RSPH14: variants seen among roughly 807,000 people sequenced by gnomAD.
RSPH14 encodes rhabdoid tumor deletion region gene 1.
Under a neutral mutation model 26.7 loss-of-function variants are expected in RSPH14, and 20 were observed. The ratio of observed to expected loss-of-function variants is 0.75; its 90% CI spans 0.53 to 1.09. The LOEUF (loss-of-function observed/expected upper bound fraction) is 1.09. Among genes scored for constraint, RSPH14 ranks in the 50% least tolerant of loss-of-function variants. The pLI is 0.00. For synonymous variants in RSPH14, 177 were observed against 189.3 expected (o/e 0.93, Z 0.53); for missense variants, 449 against 457.2 (o/e 0.98, Z 0.16).
At chr22:23,139,849 C>A (rs565292026) in intron 2 of RSPH14, among the ~76,000 whole-genome samples, 1 of 152,060 alleles carries the variant, frequency 6.6e-6, no homozygotes, top group East Asian at 1.9e-4. Context: ...TCAATTGAGG[C>A]CAAGAGTTCA....
the RSPH14 span, chr22:23,159,102 C>T: frequency 6.3e-7 from 1 of 1,590,736 alleles, no homozygotes; most frequent in Non-Finnish European, 8.6e-7. Flanking sequence ...AGCTGCCTAT[C>T]CCCCTGGGCC....
intron 4 of RSPH14, among the ~76,000 whole-genome samples, chr22:23,076,426 C>T (rs917074037): frequency 2.6e-5 from 4 of 152,284 alleles, no homozygotes; most frequent in East Asian, 1.9e-4. Context: ...GCTGTGTGCT[C>T]GTGCGCTGCA....
chr22:23,127,425 C>T (rs189114768), intron 4 of RSPH14, among the ~76,000 whole-genome samples: 2 of 152,208 alleles, frequency 1.3e-5, no homozygotes, highest in Non-Finnish European at 1.5e-5. Context: ...TTCTGGTGCA[C>T]CCTGCCCTGA....
chr22:23,155,125 C>CA, the RSPH14 span, among the ~76,000 whole-genome samples: 29 of 150,206 alleles, frequency 1.9e-4, no homozygotes, highest in South Asian at 4.2e-4. Context: ...AACTCCACCT[C>CA]AAAAAAAAAG....
At chr22:23,176,841 G>A in the RSPH14 span, among the ~76,000 whole-genome samples, 3 of 152,162 alleles carry the variant, frequency 2.0e-5, no homozygotes, top group African/African-American at 7.2e-5. Context: ...TTCCTGTGCG[G>A]TTGAGTACAG....
At chr22:23,089,027 T>C (rs2068890186) in intron 4 of RSPH14, among the ~76,000 whole-genome samples, 4 of 152,170 alleles carry the variant, frequency 2.6e-5, no homozygotes, top group Admixed American at 1.3e-4. Flanking sequence ...GAACCATCAC[T>C]TCGTCTTGGC....
the RSPH14 span, chr22:23,163,272 C>T: frequency 6.5e-6 from 1 of 154,988 alleles, no homozygotes; most frequent in Non-Finnish European, 1.4e-5. Context: ...CTCTGTCACC[C>T]AGGCTGGCGT....
chr22:23,099,879 A>AG (rs2069244347), intron 4 of RSPH14, among the ~76,000 whole-genome samples: 2 of 152,338 alleles, frequency 1.3e-5, no homozygotes, highest in South Asian at 4.1e-4. Flanking sequence ...GAGGCACCTG[A>AG]GGGGGTAGGT....
chr22:23,123,437 T>C (rs1237333403), intron 4 of RSPH14: 11 of 1,590,784 alleles, frequency 6.9e-6, no homozygotes, highest in Non-Finnish European at 9.5e-6. Context: ...GCTGAGGAGC[T>C]GGGCCCGGGG....
At chr22:23,160,067 A>G in the RSPH14 span, among the ~76,000 whole-genome samples, 1 of 152,184 alleles carries the variant, frequency 6.6e-6, no homozygotes, top group South Asian at 2.1e-4. Flanking sequence ...ATAGGCCCCC[A>G]AGGCTCTGGG....
chr22:23,060,469 C>CAA (rs35204459), intron 6 of RSPH14, among the ~76,000 whole-genome samples: 3 of 120,512 alleles, frequency 2.5e-5, no homozygotes, highest in Non-Finnish European at 1.8e-5. Context: ...GACTCCATCT[C>CAA]AAAAAAAAAA....
At chr22:23,127,556 G>A (rs752701006) in intron 4 of RSPH14, among the ~76,000 whole-genome samples, 20 of 152,326 alleles carry the variant, frequency 1.3e-4, no homozygotes, top group African/African-American at 1.9e-4. Context: ...GAAGCTGGGT[G>A]TCCACGGGTG....
At chr22:23,131,722 G>A (rs766289975) in intron 4 of RSPH14, 1 of 956,182 alleles carries the variant, frequency 1.0e-6, no homozygotes, top group South Asian at 1.4e-5. Context: ...ACCCAGCACT[G>A]GTCCCCCATG....
the RSPH14 span, chr22:23,159,092 A>C: frequency 3.0e-5 from 48 of 1,586,656 alleles, no homozygotes; most frequent in East Asian, 1.8e-4. Context: ...GGAAGCAGGC[A>C]GCTGCCTATC....
intron 4 of RSPH14, among the ~76,000 whole-genome samples, chr22:23,099,824 G>T (rs2069242412): frequency 6.6e-6 from 1 of 152,268 alleles, no homozygotes; most frequent in Non-Finnish European, 1.5e-5. Flanking sequence ...GACAGACACA[G>T]GTGGCTGTGA....
At chr22:23,154,524 A>T in the RSPH14 span, among the ~76,000 whole-genome samples, 5 of 152,174 alleles carry the variant, frequency 3.3e-5, no homozygotes, top group African/African-American at 1.2e-4. Context: ...GGATCCAGAG[A>T]GCTGAGAAGA....
upstream of RSPH14, among the ~76,000 whole-genome samples, chr22:23,144,272 C>T (rs2070668146): frequency 1.4e-5 from 2 of 144,148 alleles, no homozygotes; most frequent in South Asian, 4.5e-4. Context: ...CTGCTTCCCG[C>T]AGTGGACTCC....
chr22:23,072,206 C>T (rs867876118), intron 4 of RSPH14, among the ~76,000 whole-genome samples: 5 of 152,138 alleles, frequency 3.3e-5, no homozygotes, highest in Non-Finnish European at 7.4e-5. Context: ...TTGCCTGTTT[C>T]GGGGATGATG....
At chr22:23,168,387 CAT>C in the RSPH14 span, among the ~76,000 whole-genome samples, 10 of 152,270 alleles carry the variant, frequency 6.6e-5, no homozygotes, top group African/African-American at 1.2e-4. Context: ...TGAGAGAAGA[CAT>C]GTGGGGGGTT....
Sources: gnomAD v4.1 joint callset for allele counts (sites outside exome capture counted in the v4.1 genomes callset) on GRCh38, gnomAD v4.1.1 for gene constraint, MANE v1.5 for transcripts, NCBI Gene and HGNC (gene_info 2026-07-23, HGNC 2026-07-21) for gene names.